The following FRYL variants were observed in gnomAD, a reference collection of about 807,000 sequenced individuals.
The protein encoded by FRYL is protein furry homolog-like.
FRYL carries 150 observed loss-of-function variants against 351.2 expected under a neutral mutation model. That is an observed-to-expected ratio of 0.43 (90% CI 0.37 to 0.49). FRYL has a LOEUF of 0.49. FRYL is among the 20% of genes least tolerant of loss of function. The pLI is 0.00. For missense variants in FRYL, 3,036 were observed against 3,619.3 expected (o/e 0.84, Z 4.13); for synonymous variants, 1,153 against 1,257.1 (o/e 0.92, Z 1.75).
chr4:48,583,487 T>C (rs967334821), intron 19 of FRYL, among the ~76,000 whole-genome samples: 1 of 152,022 alleles, frequency 6.6e-6, no homozygotes, highest in Non-Finnish European at 1.5e-5. Flanking sequence ...GAATACAGGA[T>C]GGCTGATTGT....
At chr4:48,603,093 C>T (rs940207393) in intron 12 of FRYL, among the ~76,000 whole-genome samples, 197 bp downstream of exon 12, 1 of 152,136 alleles carries the variant, frequency 6.6e-6, no homozygotes, top group African/African-American at 2.4e-5. Flanking sequence ...TCAACAAATG[C>T]AGAGCTAGTA....
intron 1 of FRYL, among the ~76,000 whole-genome samples, chr4:48,744,080 G>A (rs1329408276): frequency 3.9e-5 from 6 of 152,204 alleles, no homozygotes; most frequent in Non-Finnish European, 4.4e-5. Context: ...TAATAGGTCA[G>A]TAAATGTATT....
chr4:48,526,910 G>A (rs888834333), intron 53 of FRYL, among the ~76,000 whole-genome samples: 3 of 152,146 alleles, frequency 2.0e-5, no homozygotes, highest in African/African-American at 4.8e-5. Context: ...AAGTGATTTC[G>A]AATGTCAAAG....
At chr4:48,554,538 C>T (rs192451521) in intron 35 of FRYL, among the ~76,000 whole-genome samples, 1 of 152,244 alleles carries the variant, frequency 6.6e-6, no homozygotes, top group Non-Finnish European at 1.5e-5. Flanking sequence ...GGGGTTTCAT[C>T]ATGTTGGCCA....
At position 48,499,669 on chromosome 4, in the gene FRYL, G is replaced by A. The variant is rs748455837; in HGVS notation, c.8795C>T (p.Pro2932Leu). The A allele has an allele frequency of 1.5e-5, 25 of 1,613,310 alleles. No individual in the cohort carries two copies. Among genetic ancestry groups the A allele is most frequent in the Non-Finnish European group, 2.1e-5 (25 of 1,179,672 alleles). ...TTCACAACTGCCAAAGATATCACTG[G>A]GCCAGAGAGATCTGAAAATACACAA... ...AQVKAFRSLWPSDIFGSCEDD... is the reference protein window; with the variant it reads ...AQVKAFRSLWLSDIFGSCEDD... Residue 2932 changes from proline (P) to leucine (L), a missense_variant, in exon 64 of 64, where the codon CCC (proline) becomes CTC (leucine). Physicochemically the swap from Pro to Leu is moderately conservative, Grantham distance 98 (BLOSUM62 -3). This residue lies in a region of FRYL where 1,987 missense variants were observed against 2,311.7 expected (regional missense o/e 0.86). Coordinates refer to ENST00000358350, the MANE Select transcript of FRYL (RefSeq NM_015030.2).
intron 1 of FRYL, among the ~76,000 whole-genome samples, chr4:48,778,107 G>C (rs1280944382): frequency 6.6e-6 from 1 of 152,190 alleles, no homozygotes; most frequent in Non-Finnish European, 1.5e-5. Context: ...TGGGGTGGGA[G>C]GATCACTTGA....
At chr4:48,609,638 G>T in intron 8 of FRYL, 106 bp downstream of exon 8, 1 of 496,130 alleles carries the variant, frequency 2.0e-6, no homozygotes, top group Non-Finnish European at 3.6e-6. Flanking sequence ...AAAAAAGGAA[G>T]ATAAGAATTG....
At chr4:48,716,680 TA>T (rs1768868669) in intron 1 of FRYL, among the ~76,000 whole-genome samples, 1 of 151,530 alleles carries the variant, frequency 6.6e-6, no homozygotes, top group African/African-American at 2.4e-5. Context: ...GGTGGGTCTG[TA>T]AACTTGTTCA....
chr4:48,748,089 T>C (rs1391635200), intron 1 of FRYL, among the ~76,000 whole-genome samples: 1 of 151,768 alleles, frequency 6.6e-6, no homozygotes. Context: ...CCACCAAAAA[T>C]AGAAAAATTA....
At chr4:48,622,695 A>C (rs1161191301) in intron 5 of FRYL, among the ~76,000 whole-genome samples, 1 of 152,214 alleles carries the variant, frequency 6.6e-6, no homozygotes, top group African/African-American at 2.4e-5. Context: ...AAATTGATCC[A>C]ACATTTAATC....
chr4:48,581,405 A>C lies in FRYL; in HGVS notation c.2172+15T>G. 6.3e-7 allele frequency: 1 copy of C among 1,594,136 alleles called. No individual in the cohort carries two copies. Among genetic ancestry groups the C allele is most frequent in the Non-Finnish European group, 8.5e-7 (1 of 1,169,900 alleles). ...TACTTTCAATAGATAACTGAATGAA[A>C]TACCTAAATCTTACCTTAGGTATTT... On this transcript the variant is annotated intron_variant, in intron 21 of 63. Coordinates refer to ENST00000358350, the MANE Select transcript of FRYL (RefSeq NM_015030.2).
chr4:48,695,983 T>C (rs971981877), intron 2 of FRYL, among the ~76,000 whole-genome samples: 4 of 152,050 alleles, frequency 2.6e-5, no homozygotes, highest in Admixed American at 6.6e-5. Context: ...TGAAATACCA[T>C]CTCACGCCAG....
At chr4:48,687,505 G>GA (rs1765265854) in intron 2 of FRYL, among the ~76,000 whole-genome samples, 2 of 40,258 alleles carry the variant, frequency 5.0e-5, no homozygotes, top group Non-Finnish European at 5.2e-5. Context: ...GGGGGGGGGG[G>GA]GTGAGGGGGG....
chr4:48,510,668 A>G (rs1722282250), intron 58 of FRYL, among the ~76,000 whole-genome samples, 167 bp downstream of exon 58: 1 of 152,168 alleles, frequency 6.6e-6, no homozygotes, highest in East Asian at 1.9e-4. Flanking sequence ...AATAGTCACA[A>G]GTTGCTGCAC....
At chr4:48,632,167 A>T (rs1255910111) in intron 4 of FRYL, among the ~76,000 whole-genome samples, 5 of 141,194 alleles carry the variant, frequency 3.5e-5, no homozygotes, top group East Asian at 2.0e-4. Flanking sequence ...TATATATATA[A>T]AAATTGAGAA....
chr4:48,500,790 CTG>C (rs1199656109), intron 62 of FRYL, among the ~76,000 whole-genome samples: 1 of 152,022 alleles, frequency 6.6e-6, no homozygotes, highest in African/African-American at 2.4e-5. Flanking sequence ...ACTAATAAAA[CTG>C]TAACAATGTG....
chr4:48,551,663 C>A, intron 36 of FRYL, 85 bp from the exon 37 acceptor site: 1 of 789,128 alleles, frequency 1.3e-6, no homozygotes. Flanking sequence ...TTATAGATAT[C>A]AAAACTTAAC....
At chr4:48,637,975 A>G (rs1036875667) in intron 3 of FRYL, 10 of 152,066 alleles carry the variant, frequency 6.6e-5, no homozygotes, top group African/African-American at 2.4e-4. Flanking sequence ...TGACTCTATT[A>G]TGTTTTTACA....
At chr4:48,565,474 T>G in intron 29 of FRYL, 57 bp downstream of exon 29, 2 of 1,368,216 alleles carry the variant, frequency 1.5e-6, no homozygotes, top group Non-Finnish European at 2.0e-6. Flanking sequence ...ACTGAGAGAC[T>G]TAAAAATACT....
Sources: gnomAD v4.1 joint callset for allele counts (sites outside exome capture counted in the v4.1 genomes callset) on GRCh38, gnomAD v4.1.1 for gene constraint, gnomAD v4.1.1 regional missense constraint, MANE v1.5 for transcripts, NCBI Gene and HGNC (gene_info 2026-07-23, HGNC 2026-07-21) for gene names.